The following RAB27A variants were observed in gnomAD, a reference collection of about 807,000 sequenced individuals.
RAB27A encodes the protein ras-related protein Rab-27A.
RAB27A carries 17 observed loss-of-function variants against 20.8 expected under a neutral mutation model. The observed-to-expected ratio is 0.82, with a 90% CI of 0.56 to 1.23. The LOEUF (loss-of-function observed/expected upper bound fraction) is 1.23. Among genes scored for constraint, RAB27A ranks in the 50% most tolerant of loss-of-function variants. RAB27A has a pLI of 0.00. For missense variants in RAB27A, 277 were observed against 266.7 expected (o/e 1.04, Z -0.27); for synonymous variants, 85 against 92.8 (o/e 0.92, Z 0.48).
At chr15:55,298,064 G>A (rs1458217477) in intron 2 of RAB27A, among the ~76,000 whole-genome samples, 1 of 152,016 alleles carries the variant, frequency 6.6e-6, no homozygotes, top group Non-Finnish European at 1.5e-5. Context: ...AATTAGCTGG[G>A]CATGGTGGCA....
chr15:55,253,893 G>A (rs148601651), intron 2 of RAB27A, among the ~76,000 whole-genome samples: 232 of 152,302 alleles, frequency 1.5e-3, no homozygotes, highest in African/African-American at 5.2e-3. Flanking sequence ...CCATGAAGAT[G>A]TAAGTATCCA....
chr15:55,258,974 A>G (rs926403612), intron 2 of RAB27A, among the ~76,000 whole-genome samples: 1 of 151,876 alleles, frequency 6.6e-6, no homozygotes, highest in Non-Finnish European at 1.5e-5. Context: ...ACAAGCACGC[A>G]CCACCATACC....
intron 1 of RAB27A, chr15:55,317,698 T>C (rs750457006): frequency 7.5e-6 from 3 of 398,536 alleles, no homozygotes; most frequent in Non-Finnish European, 1.3e-5. Context: ...ATCTTTGGCA[T>C]ACTGTTCAAA....
chr15:55,262,935 G>C (rs1897328948), intron 2 of RAB27A, among the ~76,000 whole-genome samples: 1 of 152,108 alleles, frequency 6.6e-6, no homozygotes, highest in Non-Finnish European at 1.5e-5. Context: ...ATTTTTATCA[G>C]GTCAAGGAAG....
In RAB27A at chr15:55,305,446, C is replaced by T. The variant is rs571310019; in HGVS notation, c.-112+8593G>A. 2.6e-5 allele frequency among the ~76,000 whole-genome samples: 4 copies of T among 152,270 alleles called. No individual in the cohort carries two copies. The East Asian group carries it at 7.7e-4, about 29-fold the overall frequency. On this transcript the variant is annotated intron_variant, in intron 2 of 5. Transcript: ENST00000563262. ...ATTTGAAGAACCATTTGTAGCTTTACAGCTTCGATTCTGGAAGAGACAAAC... is the reference window on the plus strand; with the variant it reads ...ATTTGAAGAACCATTTGTAGCTTTATAGCTTCGATTCTGGAAGAGACAAAC...
intron 1 of RAB27A, among the ~76,000 whole-genome samples, chr15:55,279,153 GCCAGGCAGATAAGACTCTTAATAAAGGCC>G (rs1235942434): frequency 2.0e-5 from 3 of 152,278 alleles, no homozygotes; most frequent in African/African-American, 7.2e-5. Context: ...AGCAGAAAGA[GCCAGGCAGATAAGACTCTTAATAAAGGCC>G]CCCATGGCCT....
rs188816996 is a variant in RAB27A at position 55,210,092 on chromosome 15, A to G, written c.468-4387T>C. On this transcript the variant is annotated intron_variant, in intron 6 of 6. Transcript: ENST00000336787. Reference sequence around the variant, plus strand: ...TGTACATATACATATATACACATATATGTGTGTATATATACACACATACAC... The same window carrying G: ...TGTACATATACATATATACACATATGTGTGTGTATATATACACACATACAC... Among the ~76,000 whole-genome samples the G allele has an allele frequency of 4.3e-3, 617 of 143,598 alleles. 4 individuals carry two copies. The highest frequency in any genetic ancestry group is 6.8e-3 in the Admixed American group (100 of 14,722). The allele number at this position is 143,598 out of a possible 152,430, so 94.2% of individuals were successfully genotyped here.
At chr15:55,231,395 T>A (rs1405062434) in intron 3 of RAB27A, among the ~76,000 whole-genome samples, 3 of 152,154 alleles carry the variant, frequency 2.0e-5, no homozygotes, top group African/African-American at 7.2e-5. Flanking sequence ...GAACGGACCA[T>A]CAAAAATTTC....
At chr15:55,213,330 T>C (rs1357048752) in intron 6 of RAB27A, among the ~76,000 whole-genome samples, 2 of 152,242 alleles carry the variant, frequency 1.3e-5, no homozygotes, top group Non-Finnish European at 1.5e-5. Flanking sequence ...TACCTTACTC[T>C]TTTATTCTTT....
At position 55,205,278 on chromosome 15, in the gene RAB27A, T is replaced by C; in HGVS notation, c.*229A>G. On this transcript the variant is annotated 3_prime_UTR_variant, in exon 7 of 7. Coordinates refer to ENST00000336787, the MANE Select transcript of RAB27A (RefSeq NM_183235.3). Reference sequence around the variant, plus strand: ...AATAGGCTAAGGTTGTATAAGGCACTTTTGGCTCTGAAATATTTCTCCTAA... The same window carrying C: ...AATAGGCTAAGGTTGTATAAGGCACCTTTGGCTCTGAAATATTTCTCCTAA... 1 of 583,846 alleles carries C rather than the reference T, an allele frequency of 1.7e-6. No individual in the cohort carries two copies. The highest frequency in any genetic ancestry group is 3.0e-5 in the Admixed American group (1 of 33,682). The allele number at this position is 583,846 out of a possible 1,614,324, so 36.2% of individuals were successfully genotyped here. A position where few individuals can be genotyped will look rare whatever the true frequency, so the allele number is the denominator to read the frequency against.
At chr15:55,230,554 T>G (rs1895992167) in intron 3 of RAB27A, 68 bp from the exon 4 acceptor site, 1 of 1,311,780 alleles carries the variant, frequency 7.6e-7, no homozygotes, top group East Asian at 2.3e-5. Flanking sequence ...CTCACCTTTT[T>G]GTTCAGTACA....
chr15:55,273,695 A>G (rs1897772284), intron 1 of RAB27A, among the ~76,000 whole-genome samples: 1 of 152,226 alleles, frequency 6.6e-6, no homozygotes, highest in African/African-American at 2.4e-5. Flanking sequence ...TCAAGCAGAT[A>G]TAACAGTTGT....
chr15:55,262,780 C>T (rs1248613913), intron 2 of RAB27A, among the ~76,000 whole-genome samples: 1 of 151,950 alleles, frequency 6.6e-6, no homozygotes, highest in Non-Finnish European at 1.5e-5. Flanking sequence ...GTCTGGAACT[C>T]CTGGGCTCAA....
chr15:55,278,632 G>A (rs542848974), intron 1 of RAB27A, among the ~76,000 whole-genome samples: 60 of 152,038 alleles, frequency 3.9e-4, no homozygotes, highest in African/African-American at 1.4e-3. Flanking sequence ...ATAGGCGCCC[G>A]CCACCACGTC....
At chr15:55,272,647 C>T in intron 1 of RAB27A, among the ~76,000 whole-genome samples, 1 of 152,216 alleles carries the variant, frequency 6.6e-6, no homozygotes, top group East Asian at 1.9e-4. Flanking sequence ...AGATGGCATG[C>T]TCAACATGTA....
intron 2 of RAB27A, among the ~76,000 whole-genome samples, chr15:55,297,227 T>A (rs1388060648): frequency 4.6e-5 from 7 of 152,234 alleles, no homozygotes; most frequent in Non-Finnish European, 1.5e-5. Context: ...TTATCTGAAT[T>A]GCTGCAGTCC....
At chr15:55,214,930 T>C (rs993632586) in intron 6 of RAB27A, among the ~76,000 whole-genome samples, 1 of 152,218 alleles carries the variant, frequency 6.6e-6, no homozygotes, top group Non-Finnish European at 1.5e-5. Flanking sequence ...TTCTTCATTA[T>C]GATCTTTCTC....
At chr15:55,292,018 T>C (rs144005431), upstream of RAB27A, among the ~76,000 whole-genome samples, 43 of 151,854 alleles carry the variant, frequency 2.8e-4, no homozygotes, top group African/African-American at 9.9e-4. Flanking sequence ...TCCAGGAAAA[T>C]GGAGCAGAGG....
In RAB27A at chr15:55,205,550, T is replaced by C; in HGVS notation, c.623A>G (p.Asp208Gly). Residue 208 changes from aspartate to glycine, a missense_variant, in exon 7 of 7, where the codon GAT (aspartate) becomes GGT (glycine). Coordinates refer to ENST00000336787, the MANE Select transcript of RAB27A (RefSeq NM_183235.3). ...TTTCTCCTTTTCTTCACTTAACTGATCCGTAGAGGCATGACCATTTGATCG... is the reference window on the plus strand; with the variant it reads ...TTTCTCCTTTTCTTCACTTAACTGACCCGTAGAGGCATGACCATTTGATCG... ...VVRSNGHAST[D>G]QLSEEKEKGA... 6.2e-7 allele frequency: 1 copy of C among 1,614,174 alleles called. No individual in the cohort carries two copies. The highest frequency in any genetic ancestry group is 1.1e-5 in the South Asian group (1 of 91,084).
Sources: allele counts gnomAD v4.1 joint callset (sites outside exome capture counted in the v4.1 genomes callset), GRCh38; gene constraint gnomAD v4.1.1; transcripts MANE v1.5; gene names NCBI Gene and HGNC (gene_info 2026-07-23, HGNC 2026-07-21).